Variants in NAV2 observed in about 807,000 individuals in gnomAD.
The protein encoded by NAV2 is neuron navigator 2.
Under a neutral mutation model 223.2 loss-of-function variants are expected in NAV2, and 54 were observed. The ratio of observed to expected loss-of-function variants is 0.24; its 90% confidence interval spans 0.19 to 0.30. The LOEUF is 0.30. Ranked by LOEUF, NAV2 falls within the 10% of genes least tolerant of loss-of-function variation. NAV2 has a pLI of 1.00. For missense variants in NAV2, 2,806 were observed against 3,147.5 expected (o/e 0.89, Z 2.60); for synonymous variants, 1,279 against 1,239.3 (o/e 1.03, Z -0.67).
chr11:19,426,718 C>T (rs562189805), intron 1 of NAV2, among the ~76,000 whole-genome samples: 2 of 151,448 alleles, frequency 1.3e-5, no homozygotes, highest in Non-Finnish European at 2.9e-5. Flanking sequence ...AGTTGGGGGG[C>T]GGGGTTGTCA....
In NAV2 at chr11:19,949,655, C is replaced by T. The variant is rs553320475; in HGVS notation, c.2645+575C>T. ...GGTGTGTGTCCTGCCTCCTGCCCTA[C>T]GCATCTCCACCACTCTGTGGCAGGC... is the stretch of plus-strand genomic sequence containing the variant. On this transcript the variant is annotated intron_variant, in intron 10 of 37. Transcript: ENST00000349880. 8.2e-4 allele frequency among the ~76,000 whole-genome samples: 125 copies of T among 152,328 alleles called. 1 individual carries two copies. Among genetic ancestry groups the T allele is most frequent in the African/African-American group, 2.8e-3 (117 of 41,576 alleles).
intron 1 of NAV2, among the ~76,000 whole-genome samples, chr11:19,368,540 T>C (rs1381753896): frequency 6.6e-6 from 1 of 152,214 alleles, no homozygotes; most frequent in Admixed American, 6.5e-5. Flanking sequence ...ATGAGGCTAG[T>C]AATCCCAGCC....
intron 1 of NAV2, among the ~76,000 whole-genome samples, chr11:19,420,988 G>T (rs1487600352): frequency 6.6e-6 from 1 of 152,176 alleles, no homozygotes; most frequent in Non-Finnish European, 1.5e-5. Flanking sequence ...CCTCCCCACA[G>T]CCTGCCATAA....
At chr11:19,787,460 G>A (rs1288241903) in intron 1 of NAV2, among the ~76,000 whole-genome samples, 1 of 151,896 alleles carries the variant, frequency 6.6e-6, no homozygotes, top group Admixed American at 6.6e-5. Flanking sequence ...TCTAAAGGCT[G>A]TAGATTAAGC....
intron 11 of NAV2, among the ~76,000 whole-genome samples, chr11:20,035,275 G>A (rs1238791461): frequency 6.6e-6 from 1 of 152,100 alleles, no homozygotes; most frequent in Non-Finnish European, 1.5e-5. Flanking sequence ...GATTAAACGT[G>A]GTGGTGGTAT....
At position 19,751,188 on chromosome 11, in the gene NAV2, A is replaced by G. The variant is rs562933196; in HGVS notation, c.267+37226A>G. Among the ~76,000 whole-genome samples, 27 of 152,294 alleles carry G rather than the reference A, an allele frequency of 1.8e-4. No individual in the cohort carries two copies. The South Asian group carries it at 4.6e-3, about 26-fold the overall frequency. On this transcript the variant is annotated intron_variant, in intron 1 of 37. Transcript: ENST00000349880. ...TTTCCCAGCGCACCACTTAGCTTAC[A>G]TATTAGCTAAGCAGCTTACCCAAGG...
chr11:19,509,643 G>T (rs1258415399), intron 1 of NAV2, among the ~76,000 whole-genome samples: 1 of 152,212 alleles, frequency 6.6e-6, no homozygotes, highest in African/African-American at 2.4e-5. Context: ...AATGCAATCA[G>T]CAGCAGCAGG....
chr11:19,820,534 C>T (rs775689290), intron 1 of NAV2, among the ~76,000 whole-genome samples: 2 of 152,198 alleles, frequency 1.3e-5, no homozygotes, highest in Non-Finnish European at 2.9e-5. Flanking sequence ...TTTTCAGCCT[C>T]ACTTGGACTT....
At chr11:20,059,048 A>G (rs746380512) in intron 19 of NAV2, among the ~76,000 whole-genome samples, 2 of 151,554 alleles carry the variant, frequency 1.3e-5, no homozygotes, top group African/African-American at 2.4e-5. Flanking sequence ...TTTTCACTCA[A>G]TCCTACCTTG....
At chr11:20,099,555 A>C (rs1477399724) in intron 31 of NAV2, among the ~76,000 whole-genome samples, 1 of 152,226 alleles carries the variant, frequency 6.6e-6, no homozygotes, top group African/African-American at 2.4e-5. Flanking sequence ...TCAAGGGATC[A>C]GCTCAGGTTT....
chr11:19,615,842 G>A (rs933137168), intron 1 of NAV2, among the ~76,000 whole-genome samples: 42 of 152,138 alleles, frequency 2.8e-4, no homozygotes, highest in Admixed American at 2.7e-3. Flanking sequence ...CAACCACATA[G>A]GGTAGGCTTG....
intron 6 of NAV2, among the ~76,000 whole-genome samples, chr11:19,924,464 G>A (rs934464484): frequency 5.3e-5 from 8 of 152,280 alleles, no homozygotes; most frequent in Non-Finnish European, 8.8e-5. Context: ...TCCAGCTGTC[G>A]AGGGCCTCTT....
intron 1 of NAV2, chr11:19,351,169 A>G (rs1473298196): frequency 1.2e-6 from 1 of 806,388 alleles, no homozygotes; most frequent in Non-Finnish European, 2.0e-6. Context: ...GAGATTTGCT[A>G]TGTCTCGATG....
At chr11:19,745,441 G>A (rs554754544) in intron 1 of NAV2, among the ~76,000 whole-genome samples, 1 of 152,262 alleles carries the variant, frequency 6.6e-6, no homozygotes, top group African/African-American at 2.4e-5. Flanking sequence ...TAATGGGTAA[G>A]TTGGCCCTCG....
chr11:20,027,506 G>A, intron 11 of NAV2: 1 of 972,630 alleles, frequency 1.0e-6, no homozygotes, highest in Non-Finnish European at 1.2e-6. Context: ...TGCGCAGTGT[G>A]AGCTTAGTCA....
chr11:19,890,818 AC>A (rs2041446469), intron 5 of NAV2, among the ~76,000 whole-genome samples: 1 of 152,142 alleles, frequency 6.6e-6, no homozygotes, highest in South Asian at 2.1e-4. Flanking sequence ...GTCCCCAAAC[AC>A]AGGCACTGGC....
chr11:19,999,281 T>C (rs1205411735), intron 11 of NAV2, among the ~76,000 whole-genome samples: 2 of 152,222 alleles, frequency 1.3e-5, no homozygotes, highest in African/African-American at 2.4e-5. Flanking sequence ...ATGGCCCAAC[T>C]TGCCTTCAAA....
At chr11:19,348,018 A>G (rs1219852180), upstream of NAV2, among the ~76,000 whole-genome samples, 1 of 152,198 alleles carries the variant, frequency 6.6e-6, no homozygotes, top group African/African-American at 2.4e-5. Context: ...CAACAGCCCC[A>G]GAACTGGTGG....
At chr11:19,445,425 T>C (rs1416907418) in intron 1 of NAV2, among the ~76,000 whole-genome samples, 2 of 152,222 alleles carry the variant, frequency 1.3e-5, no homozygotes, top group Non-Finnish European at 2.9e-5. Context: ...CTAGGCACTT[T>C]ATTCATGTTA....
Sources: allele counts gnomAD v4.1 joint callset (sites outside exome capture counted in the v4.1 genomes callset), GRCh38; gene constraint gnomAD v4.1.1; transcripts MANE v1.5; gene names NCBI Gene and HGNC (gene_info 2026-07-23, HGNC 2026-07-21).